Variants in SSUH2 observed in about 807,000 individuals in gnomAD.
The protein encoded by SSUH2 is protein SSUH2 homolog.
A neutral mutation model predicts 55.3 loss-of-function variants in SSUH2; 47 were observed. The ratio of observed to expected loss-of-function variants is 0.85; its 90% confidence interval spans 0.67 to 1.08. The LOEUF (loss-of-function observed/expected upper bound fraction) is 1.08, where lower values mean the gene tolerates loss of function less well. Among genes scored for constraint, SSUH2 ranks in the 50% least tolerant of loss-of-function variants. SSUH2 has a pLI of 0.00. For synonymous variants in SSUH2, 212 were observed against 191.5 expected (o/e 1.11, Z -0.89); for missense variants, 535 against 490.7 (o/e 1.09, Z -0.85).
chr3:8,664,518 A>C (rs760018555), intron 5 of SSUH2, among the ~76,000 whole-genome samples: 12 of 152,206 alleles, frequency 7.9e-5, no homozygotes, highest in African/African-American at 1.4e-4. Flanking sequence ...GCATGTATCC[A>C]AAAGTGTAGG....
intron 2 of SSUH2, among the ~76,000 whole-genome samples, chr3:8,677,847 A>G (rs1705536327): frequency 6.6e-6 from 1 of 150,548 alleles, no homozygotes; most frequent in South Asian, 2.1e-4. Flanking sequence ...ACCAGCTCTC[A>G]GGATCTGCGG....
At chr3:8,674,238 G>C (rs1704966048) in intron 3 of SSUH2, among the ~76,000 whole-genome samples, 1 of 152,372 alleles carries the variant, frequency 6.6e-6, no homozygotes. Context: ...CCCTGGGAAA[G>C]AAACTCAGCT....
Position 8,623,661 on chromosome 3 carries a change from G to A in SSUH2, c.874-5C>T. The A allele has an allele frequency of 6.8e-6, 10 of 1,474,276 alleles. No homozygotes were observed. The highest frequency in any genetic ancestry group is 9.2e-6 in the Non-Finnish European group (10 of 1,085,338). 91.3% of individuals were successfully genotyped at this position (1,474,276 alleles called of 1,614,324 possible). A position where few individuals can be genotyped will look rare whatever the true frequency, so the allele number is the denominator to read the frequency against. Reference sequence around the variant, plus strand: ...GAAGTCCACGATGGGGTACACCTGGGGGAAAGAGAGAGAGACACAGACCAC... The same window carrying A: ...GAAGTCCACGATGGGGTACACCTGGAGGAAAGAGAGAGAGACACAGACCAC... On this transcript the variant is annotated splice_region_variant and splice_polypyrimidine_tract_variant and intron_variant, in intron 10 of 11. Transcript: ENST00000544814.
rs1705897877 is a variant in SSUH2 at position 8,681,018 on chromosome 3, C to CTCCAAG, written c.-1046+867_-1046+872dup. On this transcript the variant is annotated intron_variant, in intron 1 of 18. Coordinates refer to the SSUH2 transcript ENST00000317371. ...CCCCCATCGCAGTGGGGGAGGCAAC[C>CTCCAAG]TCCAAGTGGCGGGGACTGAGAGCCA... is the stretch of plus-strand genomic sequence containing the variant. 2.0e-5 allele frequency among the ~76,000 whole-genome samples: 3 copies of CTCCAAG among 150,804 alleles called. 1 individual carries two copies. The highest frequency in any genetic ancestry group is 3.0e-5 in the Non-Finnish European group (2 of 67,210).
chr3:8,680,868 TG>T (rs1705887810), intron 1 of SSUH2, among the ~76,000 whole-genome samples: 1 of 152,054 alleles, frequency 6.6e-6, no homozygotes, highest in South Asian at 2.1e-4. Context: ...CTGTCTATTA[TG>T]GGGAGTAATA....
At chr3:8,620,128 T>G in intron 11 of SSUH2, 114 bp from the exon 12 acceptor site, 1 of 1,189,622 alleles carries the variant, frequency 8.4e-7, no homozygotes, top group South Asian at 1.6e-5. Flanking sequence ...TGCTCTGGAG[T>G]TGGCATTCAA....
chr3:8,666,980 A>C (rs1229938246), intron 5 of SSUH2, among the ~76,000 whole-genome samples: 1 of 152,222 alleles, frequency 6.6e-6, no homozygotes, highest in East Asian at 1.9e-4. Flanking sequence ...ATGCCCTCCC[A>C]TGCCACAGGG....
intron 1 of SSUH2, among the ~76,000 whole-genome samples, chr3:8,681,666 AAGTC>A (rs565289782): frequency 2.4e-3 from 319 of 134,726 alleles, no homozygotes; most frequent in African/African-American, 8.6e-3. Context: ...TGGGGACTGA[AAGTC>A]AGCCCCTCTT....
chr3:8,673,802 C>A (rs751245175), intron 3 of SSUH2, among the ~76,000 whole-genome samples: 1 of 152,168 alleles, frequency 6.6e-6, no homozygotes, highest in East Asian at 1.9e-4. Context: ...AAAGGCTAAA[C>A]TGAGACCGGG....
intron 7 of SSUH2, among the ~76,000 whole-genome samples, chr3:8,628,411 G>A (rs1575085049): frequency 6.6e-6 from 1 of 152,192 alleles, no homozygotes. Flanking sequence ...CCTGAATGAA[G>A]GTTTCTGAAA....
At chr3:8,632,257 C>A (rs1698947520) in intron 4 of SSUH2, 148 bp from the exon 5 acceptor site, 1 of 651,478 alleles carries the variant, frequency 1.5e-6, no homozygotes, top group Non-Finnish European at 2.7e-6. Context: ...AACTGGCTGA[C>A]AACAGCGATT....
chr3:8,620,519 ACAATCTGCCTT>A (rs1265107355), intron 11 of SSUH2, among the ~76,000 whole-genome samples: 1 of 152,220 alleles, frequency 6.6e-6, no homozygotes, highest in Non-Finnish European at 1.5e-5. Flanking sequence ...AAACCCTGCT[ACAATCTGCCTT>A]CAATCTGCCT....
At chr3:8,663,821 TA>T in intron 5 of SSUH2, 3 of 456,742 alleles carry the variant, frequency 6.6e-6, no homozygotes, top group Non-Finnish European at 1.3e-5. Context: ...GGCACACAGA[TA>T]AATTTACGGA....
exon 4 of SSUH2, chr3:8,671,914 T>C (rs1486279361): frequency 6.6e-6 from 1 of 151,794 alleles, no homozygotes; most frequent in Non-Finnish European, 1.5e-5. Context: ...CAATCCACGG[T>C]GGTCACACAG....
chr3:8,664,523 T>C (rs927934642), intron 5 of SSUH2, among the ~76,000 whole-genome samples: 6 of 152,150 alleles, frequency 3.9e-5, no homozygotes, highest in African/African-American at 9.7e-5. Flanking sequence ...TATCCAAAAG[T>C]GTAGGGGGGC....
intron 3 of SSUH2, among the ~76,000 whole-genome samples, chr3:8,674,564 C>T (rs932310816): frequency 1.3e-5 from 2 of 152,118 alleles, no homozygotes; most frequent in African/African-American, 2.4e-5. Flanking sequence ...TTGACATCAC[C>T]GGAGCCATGG....
intron 7 of SSUH2, among the ~76,000 whole-genome samples, chr3:8,627,986 T>C (rs892033887): frequency 6.6e-6 from 1 of 152,172 alleles, no homozygotes; most frequent in African/African-American, 2.4e-5. Flanking sequence ...CTCCCTAAGA[T>C]CCCTGTTTCT....
intron 3 of SSUH2, chr3:8,634,307 C>A: frequency 1.8e-6 from 2 of 1,098,144 alleles, no homozygotes; most frequent in South Asian, 2.9e-5. Context: ...GTGGGTGGGA[C>A]GACAGACAGG....
chr3:8,620,135 T>C (rs1032381097), intron 11 of SSUH2, 121 bp from the exon 12 acceptor site: 1 of 1,102,356 alleles, frequency 9.1e-7, no homozygotes, highest in Admixed American at 2.6e-5. Flanking sequence ...GAGTTGGCAT[T>C]CAATATGGTT....
Sources: gnomAD v4.1 joint callset for allele counts (sites outside exome capture counted in the v4.1 genomes callset) on GRCh38, gnomAD v4.1.1 for gene constraint, MANE v1.5 for transcripts, NCBI Gene and HGNC (gene_info 2026-07-23, HGNC 2026-07-21) for gene names.